Variants in KCNV2 observed in about 807,000 individuals in gnomAD.
The protein encoded by KCNV2 is potassium voltage-gated channel modifier subfamily V member 2, also known as potassium voltage-gated channel subfamily V member 2.
KCNV2 carries 65 observed loss-of-function variants against 37.0 expected under a neutral mutation model. The observed-to-expected ratio is 1.76, with a 90% CI of 1.44 to 2.16. KCNV2 has a LOEUF of 2.16. KCNV2 is among the 30% of genes most tolerant of loss of function. KCNV2 has a pLI of 0.00. For missense variants in KCNV2, 1,232 were observed against 766.7 expected (o/e 1.61, Z -7.17); for synonymous variants, 518 against 328.6 (o/e 1.58, Z -6.23).
intron 1 of KCNV2, among the ~76,000 whole-genome samples, chr9:2,727,325 C>G (rs968304755): frequency 6.6e-6 from 1 of 151,890 alleles, no homozygotes; most frequent in African/African-American, 2.4e-5. Context: ...GGAGATATAC[C>G]TAACGTTAAA....
chr9:2,718,402 C>T lies in KCNV2; in HGVS notation c.663C>T (p.Arg221=), dbSNP rs1819784277. Residue 221 remains arginine, a synonymous_variant, in exon 1 of 2, where the codon CGC becomes CGT. Transcript: ENST00000382082. ...SERLKIQHEL[R]AQAQVEEAEE... ...GGCTCAAGATCCAGCACGAGCTGCG[C>T]GCGCAGGCGCAGGTCGAGGAGGCGG... The T allele has an allele frequency of 6.2e-7, 1 of 1,602,332 alleles. No homozygotes were observed.
At position 2,718,438 on chromosome 9, in the gene KCNV2, C is replaced by A; in HGVS notation, c.699C>A (p.Phe233Leu). 6.2e-7 allele frequency: 1 copy of A among 1,606,780 alleles called. No individual in the cohort carries two copies. The highest frequency in any genetic ancestry group is 1.1e-5 in the South Asian group (1 of 90,148). ...QAQVEEAEEL[F>L]RDMRFYGPQR... is the part of the protein sequence containing the mutation. ...AGGTCGAGGAGGCGGAGGAACTCTTCCGCGACATGCGCTTCTACGGCCCGC... is the reference window on the plus strand; with the variant it reads ...AGGTCGAGGAGGCGGAGGAACTCTTACGCGACATGCGCTTCTACGGCCCGC... The change falls in exon 1 of 2, where the codon TTC (phenylalanine) becomes TTA (leucine). Residue 233 changes from phenylalanine (F) to leucine (L), a missense_variant. Coordinates refer to ENST00000382082, the MANE Select transcript of KCNV2 (RefSeq NM_133497.4).
At position 2,717,539 on chromosome 9, in the gene KCNV2, C is replaced by A; in HGVS notation, c.-201C>A. The A allele has an allele frequency of 1.6e-6, 1 of 622,476 alleles. No individual in the cohort carries two copies. Among genetic ancestry groups the A allele is most frequent in the Non-Finnish European group, 2.8e-6 (1 of 352,504 alleles). 38.6% of individuals were successfully genotyped at this position (622,476 alleles called of 1,614,324 possible). ...CAGTCAACAGCTGACTGCGTTCAGA[C>A]CCTGCAGGCTGGGCTGGCCTGCCCA... On this transcript the variant is annotated 5_prime_UTR_variant, in exon 1 of 2. Coordinates refer to ENST00000382082, the MANE Select transcript of KCNV2 (RefSeq NM_133497.4).
Position 2,718,917 on chromosome 9 carries a change from A to C in KCNV2, c.1178A>C (p.His393Pro). 6.2e-7 allele frequency: 1 copy of C among 1,609,020 alleles called. No homozygotes were observed. ...TTCCGCATCCTCAAGCTGGCGCGCC[A>C]CTCCACCGGACTGCGTGCCTTCGGC... ...RIFRILKLAR[H>P]STGLRAFGFT... Residue 393 changes from histidine to proline, a missense_variant, in exon 1 of 2, where the codon CAC (histidine) becomes CCC (proline). By Grantham distance (77) the His-to-Pro change is moderately conservative. Coordinates refer to ENST00000382082, the MANE Select transcript of KCNV2 (RefSeq NM_133497.4).
In KCNV2 at chr9:2,718,862, G is replaced by A. The variant is rs568147806; in HGVS notation, c.1123G>A (p.Val375Met). 324 of 1,609,152 alleles carry A rather than the reference G, an allele frequency of 2.0e-4. 2 individuals are homozygous for A. The South Asian group carries it at 3.3e-3, about 17-fold the overall frequency. The part of the protein sequence containing the change: ...TVGSVGKVGQ[V>M]LRVMRLMRIF... ...GGGCAGCGTGGGTAAGGTGGGTCAG[G>A]TGTTGCGCGTCATGCGCCTCATGCG... The change falls in exon 1 of 2, where the codon GTG becomes ATG. Residue 375 changes from valine (V) to methionine (M), a missense_variant. Val to Met is a conservative substitution (Grantham distance 21). Transcript: ENST00000382082.
intron 1 of KCNV2, among the ~76,000 whole-genome samples, chr9:2,728,646 A>G (rs1245454381): frequency 6.6e-6 from 1 of 152,170 alleles, no homozygotes; most frequent in Non-Finnish European, 1.5e-5. Flanking sequence ...CAAAATAATG[A>G]GAGTGTTTCT....
At chr9:2,719,220 G>A in intron 1 of KCNV2, 125 bp downstream of exon 1, 1 of 1,025,682 alleles carries the variant, frequency 9.7e-7, no homozygotes, top group Non-Finnish European at 1.5e-6. Context: ...ACCCCCAATC[G>A]CCGCATACAG....
chr9:2,729,345 G>T lies in KCNV2; in HGVS notation c.1357-101G>T, dbSNP rs112855687. 6.2e-4 allele frequency: 816 copies of T among 1,317,050 alleles called. 7 individuals carry two copies. In the African/African-American group the frequency reaches 0.01, roughly 16 times the overall value. The allele number at this position is 1,317,050 out of a possible 1,614,324, so 81.6% of individuals were successfully genotyped here. ...CGTGGGAAGCCATTACACTTCCCAT[G>T]TGTACCCACAGGGAGGACGCTTCCC... On this transcript the variant is annotated intron_variant, in intron 1 of 1. Coordinates refer to ENST00000382082, the MANE Select transcript of KCNV2 (RefSeq NM_133497.4).
At chr9:2,720,742 C>T (rs1417944210) in intron 1 of KCNV2, among the ~76,000 whole-genome samples, 2 of 152,214 alleles carry the variant, frequency 1.3e-5, no homozygotes, top group Non-Finnish European at 2.9e-5. Context: ...AGTACACTCT[C>T]TGATACTACA....
chr9:2,727,488 CT>C (rs1264713291), intron 1 of KCNV2, among the ~76,000 whole-genome samples: 1 of 152,174 alleles, frequency 6.6e-6, no homozygotes, highest in Non-Finnish European at 1.5e-5. Context: ...CACAATCTCA[CT>C]TTATCACTGC....
intron 1 of KCNV2, among the ~76,000 whole-genome samples, chr9:2,728,749 A>G (rs1820008229): frequency 6.6e-6 from 1 of 152,188 alleles, no homozygotes; most frequent in Non-Finnish European, 1.5e-5. Context: ...TTCATTTTAA[A>G]GATGAGAGGA....
intron 1 of KCNV2, among the ~76,000 whole-genome samples, chr9:2,728,562 CAA>C (rs1215054402): frequency 6.6e-6 from 1 of 152,136 alleles, no homozygotes; most frequent in Non-Finnish European, 1.5e-5. Flanking sequence ...ATCAGTATGA[CAA>C]GAGTAATGGG....
chr9:2,722,667 C>T (rs1819900417), intron 1 of KCNV2, among the ~76,000 whole-genome samples: 1 of 151,266 alleles, frequency 6.6e-6, no homozygotes, highest in South Asian at 2.1e-4. Flanking sequence ...AATAACGATA[C>T]ATCACCAACC....
rs1414078352 is a variant in KCNV2 at position 2,729,472 on chromosome 9, AGAC to A, written c.1384_1386del (p.Asp462del). On this transcript the variant is annotated inframe_deletion, in exon 2 of 2. Coordinates refer to ENST00000382082, the MANE Select transcript of KCNV2 (RefSeq NM_133497.4). The stretch of plus-strand genomic sequence containing the variant: ...TGAGCATCTCCACCGTGGGCTACGG[AGAC>A]ATGTACCCAGAGACCCACCTGGGCA... 5 of 1,613,820 alleles carry A rather than the reference AGAC, an allele frequency of 3.1e-6. No homozygotes were observed. In the African/African-American group the frequency reaches 6.7e-5, roughly 22 times the overall value.
At chr9:2,723,354 A>C (rs1462141314) in intron 1 of KCNV2, among the ~76,000 whole-genome samples, 6 of 152,270 alleles carry the variant, frequency 3.9e-5, no homozygotes, top group African/African-American at 9.6e-5. Flanking sequence ...TGCTTTTAAT[A>C]ATCTTTCTTC....
intron 1 of KCNV2, among the ~76,000 whole-genome samples, chr9:2,725,047 A>G (rs542221409): frequency 1.3e-5 from 2 of 152,174 alleles, no homozygotes; most frequent in Non-Finnish European, 2.9e-5. Flanking sequence ...TCTTTAAAGT[A>G]TGTTCCTCAT....
At chr9:2,725,100 G>A (rs898640105) in intron 1 of KCNV2, among the ~76,000 whole-genome samples, 1 of 152,124 alleles carries the variant, frequency 6.6e-6, no homozygotes, top group Non-Finnish European at 1.5e-5. Context: ...GCATCATTGA[G>A]GGCACGGAGA....
chr9:2,718,205 G>C lies in KCNV2; in HGVS notation c.466G>C (p.Ala156Pro). The C allele has an allele frequency of 6.2e-7, 1 of 1,613,430 alleles. No homozygotes were observed. Among genetic ancestry groups the C allele is most frequent in the Non-Finnish European group, 8.5e-7 (1 of 1,179,904 alleles). ...TDEYFFDRDP[A>P]VFQLVYNFYL... ...CGAATACTTCTTCGACCGCGACCCG[G>C]CCGTCTTCCAGCTGGTCTACAATTT... Residue 156 changes from alanine to proline, a missense_variant, in exon 1 of 2, where the codon GCC (alanine) becomes CCC (proline). Physicochemically the swap from Ala to Pro is conservative, Grantham distance 27 (BLOSUM62 -1). Transcript: ENST00000382082.
At position 2,729,830 on chromosome 9, in the gene KCNV2, A is replaced by G; in HGVS notation, c.*103A>G. On this transcript the variant is annotated 3_prime_UTR_variant, in exon 2 of 2. Coordinates refer to ENST00000382082, the MANE Select transcript of KCNV2 (RefSeq NM_133497.4). ...CAGCAAAAGGAAATGTGAAGCAGACATACACAAAGGCCATTTCGTTCACAA... is the reference window on the plus strand; with the variant it reads ...CAGCAAAAGGAAATGTGAAGCAGACGTACACAAAGGCCATTTCGTTCACAA... The G allele has an allele frequency of 1.6e-6, 2 of 1,267,830 alleles. No individual in the cohort carries two copies. The highest frequency in any genetic ancestry group is 2.3e-6 in the Non-Finnish European group (2 of 873,510). 78.5% of individuals were successfully genotyped at this position (1,267,830 alleles called of 1,614,324 possible).
Sources: allele counts gnomAD v4.1 joint callset (sites outside exome capture counted in the v4.1 genomes callset), GRCh38; gene constraint gnomAD v4.1.1; transcripts MANE v1.5; gene names NCBI Gene and HGNC (gene_info 2026-07-23, HGNC 2026-07-21).